The following KCTD8 variants were observed in gnomAD, a reference collection of about 807,000 sequenced individuals.
KCTD8 encodes potassium channel tetramerization domain containing 8, also known as BTB/POZ domain-containing protein KCTD8.
In KCTD8, 27 loss-of-function variants were observed where a neutral mutation model predicts 31.5. The ratio of observed to expected loss-of-function variants is 0.86; its 90% CI spans 0.63 to 1.18. The LOEUF is 1.18. Among genes scored for constraint, KCTD8 ranks in the 50% most tolerant of loss-of-function variants. KCTD8 has a pLI of 0.00. For missense variants in KCTD8, 658 were observed against 647.7 expected (o/e 1.02, Z -0.17); for synonymous variants, 290 against 280.0 (o/e 1.04, Z -0.36).
chr4:44,349,861 A>T (rs949234008), intron 1 of KCTD8, among the ~76,000 whole-genome samples: 2 of 152,164 alleles, frequency 1.3e-5, no homozygotes, highest in Non-Finnish European at 2.9e-5. Flanking sequence ...AAAAATTTTT[A>T]AATTGGCATC....
At chr4:44,253,462 T>C (rs1450468295) in intron 1 of KCTD8, among the ~76,000 whole-genome samples, 1 of 151,866 alleles carries the variant, frequency 6.6e-6, no homozygotes, top group Non-Finnish European at 1.5e-5. Context: ...CTCTTCTTTA[T>C]ATCTGGGCTG....
intron 1 of KCTD8, among the ~76,000 whole-genome samples, chr4:44,277,007 T>C (rs1716769573): frequency 1.3e-5 from 2 of 151,972 alleles, no homozygotes; most frequent in South Asian, 2.1e-4. Flanking sequence ...AGTTTCTCTA[T>C]CTGTAATTTG....
chr4:44,439,832 A>G (rs1282250333), intron 1 of KCTD8, among the ~76,000 whole-genome samples: 1 of 152,012 alleles, frequency 6.6e-6, no homozygotes, highest in Non-Finnish European at 1.5e-5. Context: ...ATATTTGCCC[A>G]ACACTCTAAA....
Position 44,235,558 on chromosome 4 carries a change from T to G in KCTD8, c.962-60308A>C, listed in dbSNP as rs1468610313. On this transcript the variant is annotated intron_variant, in intron 1 of 1. Coordinates refer to ENST00000360029, the MANE Select transcript of KCTD8 (RefSeq NM_198353.3). ...ATATATATATATATATATATATATA[T>G]ATATATATATATATATATTTAGAGA... 7.1e-3 allele frequency among the ~76,000 whole-genome samples: 603 copies of G among 85,158 alleles called. 6 individuals are homozygous for G. Among genetic ancestry groups the G allele is most frequent in the African/African-American group, 0.035 (568 of 16,460 alleles). The allele number at this position is 85,158 out of a possible 152,430, so 55.9% of individuals were successfully genotyped here. A position where few individuals can be genotyped will look rare whatever the true frequency, so the allele number is the denominator to read the frequency against.
At chr4:44,303,636 C>T (rs1024923944) in intron 1 of KCTD8, among the ~76,000 whole-genome samples, 3 of 151,842 alleles carry the variant, frequency 2.0e-5, no homozygotes, top group Non-Finnish European at 4.4e-5. Context: ...GGCAACATAG[C>T]AAAATCCCAT....
In KCTD8 at chr4:44,277,772, C is replaced by T. The variant is rs75112492; in HGVS notation, c.962-102522G>A. Among the ~76,000 whole-genome samples, 15 of 151,922 alleles carry T rather than the reference C, an allele frequency of 9.9e-5. No homozygotes were observed. In the East Asian group the frequency reaches 2.7e-3, roughly 27 times the overall value. ...CAATCCTATGTAGAAATAGTAAGAA[C>T]CATTTTTAAAGATAAAGAATCTGAG... is the stretch of plus-strand genomic sequence containing the variant. On this transcript the variant is annotated intron_variant, in intron 1 of 1. Coordinates refer to ENST00000360029, the MANE Select transcript of KCTD8 (RefSeq NM_198353.3).
intron 1 of KCTD8, among the ~76,000 whole-genome samples, chr4:44,192,448 G>T (rs1162142275): frequency 6.7e-6 from 1 of 149,868 alleles, no homozygotes; most frequent in Admixed American, 6.7e-5. Context: ...ATCTCAAACA[G>T]TGGATGGGGT....
At chr4:44,438,167 G>T (rs1721722866) in intron 1 of KCTD8, among the ~76,000 whole-genome samples, 2 of 152,264 alleles carry the variant, frequency 1.3e-5, no homozygotes, top group East Asian at 3.9e-4. Flanking sequence ...GATCTCTCTG[G>T]TTTCTTCAAA....
intron 1 of KCTD8, among the ~76,000 whole-genome samples, chr4:44,179,969 A>C (rs1713330681): frequency 6.6e-6 from 1 of 152,166 alleles, no homozygotes; most frequent in Admixed American, 6.5e-5. Flanking sequence ...TTAAAACTTT[A>C]ATTTTATATT....
chr4:44,264,542 G>A (rs911622868), intron 1 of KCTD8, among the ~76,000 whole-genome samples: 1 of 152,192 alleles, frequency 6.6e-6, no homozygotes, highest in African/African-American at 2.4e-5. Flanking sequence ...GCGCAGGACA[G>A]CGGGTGCAGT....
intron 1 of KCTD8, among the ~76,000 whole-genome samples, chr4:44,415,535 A>T (rs1272745035): frequency 1.3e-5 from 2 of 152,128 alleles, no homozygotes; most frequent in Non-Finnish European, 2.9e-5. Context: ...AAGAGGAAAG[A>T]ATGGTTTTAG....
At chr4:44,271,699 GT>G (rs1716608738) in intron 1 of KCTD8, among the ~76,000 whole-genome samples, 1 of 152,148 alleles carries the variant, frequency 6.6e-6, no homozygotes, top group African/African-American at 2.4e-5. Context: ...TTAAGGACAT[GT>G]TCCTGTTGCA....
intron 1 of KCTD8, among the ~76,000 whole-genome samples, chr4:44,447,012 C>T (rs970152966): frequency 6.6e-6 from 1 of 152,208 alleles, no homozygotes; most frequent in Non-Finnish European, 1.5e-5. Flanking sequence ...GCACCTTTAT[C>T]GCTTCTCCCC....
intron 1 of KCTD8, among the ~76,000 whole-genome samples, chr4:44,179,777 A>G (rs912904101): frequency 1.3e-5 from 2 of 152,036 alleles, no homozygotes; most frequent in African/African-American, 2.4e-5. Flanking sequence ...CCATTTAAGC[A>G]TACTTTAAAT....
At chr4:44,339,436 G>A (rs993763696) in intron 1 of KCTD8, among the ~76,000 whole-genome samples, 1 of 152,076 alleles carries the variant, frequency 6.6e-6, no homozygotes, top group South Asian at 2.1e-4. Context: ...TTCTGTTTAA[G>A]GAGGACTATA....
chr4:44,268,844 G>C (rs906183119), intron 1 of KCTD8, among the ~76,000 whole-genome samples: 16 of 151,670 alleles, frequency 1.1e-4, no homozygotes, highest in East Asian at 7.7e-4. Flanking sequence ...GGATGTGAAG[G>C]ACCTCTTCAA....
intron 1 of KCTD8, among the ~76,000 whole-genome samples, chr4:44,193,462 G>A (rs966942527): frequency 6.6e-6 from 1 of 152,060 alleles, no homozygotes; most frequent in Non-Finnish European, 1.5e-5. Context: ...GTTAAAACCA[G>A]CTTTCTTTAA....
rs752333669 is a variant in KCTD8 at position 44,175,262 on chromosome 4, GA to G, written c.962-13del. The G allele has an allele frequency of 1.9e-4, 261 of 1,400,820 alleles. No individual in the cohort carries two copies. Among genetic ancestry groups the G allele is most frequent in the Non-Finnish European group, 2.1e-4 (221 of 1,043,098 alleles). The allele number at this position is 1,400,820 out of a possible 1,614,324, so 86.8% of individuals were successfully genotyped here. ...TTTCTGAGGTGGTCCTAAAAAGGAGGAAAAAAAAAGAAGAAGAGTAGAACAG... is the reference window on the plus strand; with the variant it reads ...TTTCTGAGGTGGTCCTAAAAAGGAGGAAAAAAAAGAAGAAGAGTAGAACAG... On this transcript the variant is annotated splice_polypyrimidine_tract_variant and intron_variant, in intron 1 of 1. Transcript: ENST00000360029.
At chr4:44,307,950 C>G (rs11930575) in intron 1 of KCTD8, among the ~76,000 whole-genome samples, 4,476 of 152,020 alleles carry the variant, frequency 0.029, 252 homozygotes, top group African/African-American at 0.1. Flanking sequence ...TACAAAAAGA[C>G]TGATATCACC....
Sources: gnomAD v4.1 joint callset for allele counts (sites outside exome capture counted in the v4.1 genomes callset) on GRCh38, gnomAD v4.1.1 for gene constraint, MANE v1.5 for transcripts, NCBI Gene and HGNC (gene_info 2026-07-23, HGNC 2026-07-21) for gene names.